The following DRC9 variants were observed in gnomAD, a reference collection of about 807,000 sequenced individuals.
DRC9 encodes the protein dynein regulatory complex subunit 9, also known as dynein regulatory complex protein 9.
chr3:197,941,431 C>CCCCTCCCTCCTCTCCCATA, the DRC9 span, among the ~76,000 whole-genome samples: 1 of 36,010 alleles, frequency 2.8e-5, no homozygotes, highest in African/African-American at 1.4e-4. Flanking sequence ...CCTCTCCCAT[C>CCCCTCCCTCCTCTCCCATA]CCCCTCCCTC....
At chr3:197,899,887 G>A in the DRC9 span, among the ~76,000 whole-genome samples, 1 of 152,156 alleles carries the variant, frequency 6.6e-6, no homozygotes. Context: ...TAGGAAAGAC[G>A]GCTTTGAATT....
the DRC9 span, among the ~76,000 whole-genome samples, chr3:197,929,017 C>T: frequency 1.3e-5 from 2 of 152,178 alleles, no homozygotes; most frequent in Non-Finnish European, 2.9e-5. The surrounding 1 kb of genome is among the most constrained non-coding windows in gnomAD (Gnocchi z 4.6). Flanking sequence ...TGCCTTTTCT[C>T]CTCTCGGGAG....
the DRC9 span, among the ~76,000 whole-genome samples, chr3:197,909,856 G>A: frequency 1.1e-4 from 17 of 152,132 alleles, no homozygotes; most frequent in Non-Finnish European, 2.4e-4. Context: ...AGCCAGGTGT[G>A]GTGGCAGGTG....
At chr3:197,924,973 G>C in the DRC9 span, among the ~76,000 whole-genome samples, 1 of 152,112 alleles carries the variant, frequency 6.6e-6, no homozygotes, top group Non-Finnish European at 1.5e-5. Context: ...CTAGATACGA[G>C]GTTAGGTCCT....
chr3:197,894,881 T>C, the DRC9 span, among the ~76,000 whole-genome samples: 5 of 152,096 alleles, frequency 3.3e-5, no homozygotes, highest in South Asian at 2.1e-4. Context: ...CTGAGCAACA[T>C]AGTGAGACCC....
the DRC9 span, among the ~76,000 whole-genome samples, chr3:197,905,710 T>C: frequency 4.0e-5 from 6 of 151,776 alleles, no homozygotes; most frequent in Admixed American, 3.9e-4. Flanking sequence ...ATCGTGCCAC[T>C]GGGCAACAAG....
chr3:197,912,782 C>T, the DRC9 span: 1 of 1,558,712 alleles, frequency 6.4e-7, no homozygotes, highest in Non-Finnish European at 8.9e-7. Context: ...GTACGTCTTC[C>T]CCGCAGGGCT....
chr3:197,928,987 C>T, the DRC9 span, among the ~76,000 whole-genome samples: 1 of 152,184 alleles, frequency 6.6e-6, no homozygotes, highest in South Asian at 2.1e-4. Flanking sequence ...TTCCCTTCCC[C>T]AGCCCTGTGG....
At chr3:197,922,260 A>G in the DRC9 span, among the ~76,000 whole-genome samples, 5 of 152,236 alleles carry the variant, frequency 3.3e-5, no homozygotes, top group Non-Finnish European at 7.3e-5. Flanking sequence ...TATAATTAAG[A>G]GGATACATCT....
At chr3:197,952,616 T>G in the DRC9 span, 1 of 152,386 alleles carries the variant, frequency 6.6e-6, no homozygotes, top group African/African-American at 2.4e-5. Flanking sequence ...TGCCTCAGCC[T>G]CCGAGTGAGG....
the DRC9 span, chr3:197,891,455 G>A: frequency 4.0e-5 from 62 of 1,563,592 alleles, no homozygotes; most frequent in Admixed American, 1.8e-4. Context: ...CCTTTATAAC[G>A]CTCTTTAATT....
chr3:197,953,560 G>A, the DRC9 span: 1 of 457,282 alleles, frequency 2.2e-6, no homozygotes, highest in South Asian at 1.5e-5. Flanking sequence ...CAGTGCCTGC[G>A]CTAGTCATCC....
At chr3:197,951,855 G>T in the DRC9 span, among the ~76,000 whole-genome samples, 1 of 151,894 alleles carries the variant, frequency 6.6e-6, no homozygotes, top group Non-Finnish European at 1.5e-5. Context: ...GTGCCACCAC[G>T]CCCGGCTAAT....
chr3:197,896,065 G>A, the DRC9 span, among the ~76,000 whole-genome samples: 1 of 150,648 alleles, frequency 6.6e-6, no homozygotes, highest in Non-Finnish European at 1.5e-5. Context: ...AAAAAAGGCT[G>A]GGCGCAGTGG....
chr3:197,897,971 C>T, the DRC9 span, among the ~76,000 whole-genome samples: 7 of 144,396 alleles, frequency 4.8e-5, no homozygotes, highest in East Asian at 4.0e-4. Flanking sequence ...TTAGTAGAGA[C>T]GAGCTTTCAC....
the DRC9 span, among the ~76,000 whole-genome samples, chr3:197,902,045 G>A: frequency 1.1e-4 from 16 of 152,302 alleles, no homozygotes; most frequent in Non-Finnish European, 2.1e-4. Flanking sequence ...GACTCTGGGA[G>A]AAAGTAAGGA....
chr3:197,927,289 C>T, the DRC9 span, among the ~76,000 whole-genome samples: 1 of 152,172 alleles, frequency 6.6e-6, no homozygotes, highest in East Asian at 1.9e-4. Flanking sequence ...TGCAGTGGCA[C>T]GATCTCGACT....
the DRC9 span, among the ~76,000 whole-genome samples, chr3:197,907,758 CTG>C: frequency 7.3e-5 from 11 of 151,386 alleles, no homozygotes; most frequent in African/African-American, 2.7e-4. Context: ...ACAGGGGTGA[CTG>C]TACCAGGTCT....
chr3:197,895,279 AT>A, the DRC9 span, among the ~76,000 whole-genome samples: 1 of 152,088 alleles, frequency 6.6e-6, no homozygotes, highest in Non-Finnish European at 1.5e-5. Context: ...TTATTTATTT[AT>A]TTACTTTGAG....
Sources: allele counts gnomAD v4.1 joint callset (sites outside exome capture counted in the v4.1 genomes callset), GRCh38; gene constraint gnomAD v4.1.1; non-coding constraint Gnocchi (gnomAD v3.1); transcripts MANE v1.5; gene names NCBI Gene and HGNC (gene_info 2026-07-23, HGNC 2026-07-21).